The following PLSCR5 variants were observed in gnomAD, a reference collection of about 807,000 sequenced individuals.
PLSCR5 encodes phospholipid scramblase family, member 5.
Under a neutral mutation model 33.6 loss-of-function variants are expected in PLSCR5, and 44 were observed. That is an observed-to-expected ratio of 1.31 (90% CI 1.03 to 1.69). PLSCR5 has a LOEUF of 1.69. Ranked by LOEUF, PLSCR5 falls within the 40% of genes most tolerant of loss-of-function variation. The pLI is 0.00. For synonymous variants in PLSCR5, 148 were observed against 112.3 expected (o/e 1.32, Z -2.01); for missense variants, 375 against 318.7 (o/e 1.18, Z -1.34).
At chr3:146,591,085 T>TGCTGAA (rs1241393438) in intron 5 of PLSCR5, among the ~76,000 whole-genome samples, 1 of 151,508 alleles carries the variant, frequency 6.6e-6, no homozygotes, top group Admixed American at 6.6e-5. Context: ...TGTAACGTGC[T>TGCTGAA]GCTGAAATGA....
chr3:146,600,730 G>A (rs2044806368), intron 1 of PLSCR5, among the ~76,000 whole-genome samples: 2 of 150,832 alleles, frequency 1.3e-5, no homozygotes, highest in Admixed American at 6.6e-5. Flanking sequence ...ATATGCATAT[G>A]TGTATATGTA....
chr3:146,579,413 A>G (rs1187171456), intron 7 of PLSCR5, among the ~76,000 whole-genome samples: 1 of 152,214 alleles, frequency 6.6e-6, no homozygotes, highest in Non-Finnish European at 1.5e-5. Context: ...TTATTTCCTC[A>G]GTTTGTTTTC....
At chr3:146,576,693 G>A (rs1295141951) in exon 8 of PLSCR5, 4 of 148,848 alleles carry the variant, frequency 2.7e-5, no homozygotes, top group African/African-American at 7.3e-5. Flanking sequence ...CCATTCATAT[G>A]TGTGGAAGTG....
chr3:146,589,943 TATTC>T, intron 5 of PLSCR5, 129 bp from the exon 6 acceptor site: 1 of 583,388 alleles, frequency 1.7e-6, no homozygotes. Flanking sequence ...AATTCCATGT[TATTC>T]ATTCCATCAT....
intron 1 of PLSCR5, 31 bp downstream of exon 1, chr3:146,605,169 A>G (rs761159299): frequency 1.6e-5 from 25 of 1,594,112 alleles, no homozygotes; most frequent in Non-Finnish European, 2.1e-5. Context: ...AATATAAGAA[A>G]AAGTTATTAG....
Position 146,585,895 on chromosome 3 carries a change from G to T in PLSCR5, c.*92C>A. ...ATTAACATTTTTTTTTAACAAAAAA[G>T]CAAACATTCAAACCATTCAGAAATG... On this transcript the variant is annotated 3_prime_UTR_variant, in exon 8 of 8. Coordinates refer to ENST00000443512, the MANE Select transcript of PLSCR5 (RefSeq NM_001085420.2). 1 of 531,082 alleles carries T rather than the reference G, an allele frequency of 1.9e-6. No homozygotes were observed. The highest frequency in any genetic ancestry group is 3.0e-6 in the Non-Finnish European group (1 of 334,680). 32.9% of individuals were successfully genotyped at this position (531,082 alleles called of 1,614,324 possible). A position where few individuals can be genotyped will look rare whatever the true frequency, so the allele number is the denominator to read the frequency against.
chr3:146,594,219 A>G, intron 3 of PLSCR5, 79 bp from the exon 4 acceptor site: 1 of 978,462 alleles, frequency 1.0e-6, no homozygotes, highest in South Asian at 1.6e-5. Context: ...AGATGTTATT[A>G]AAAGAATACA....
At chr3:146,600,774 T>C (rs1198637178) in intron 1 of PLSCR5, among the ~76,000 whole-genome samples, 1 of 149,784 alleles carries the variant, frequency 6.7e-6, no homozygotes, top group Non-Finnish European at 1.5e-5. Context: ...ATATATATAC[T>C]TACTGCATAT....
At chr3:146,595,109 T>C (rs758974061) in intron 2 of PLSCR5, 26 bp from the exon 3 acceptor site, 39 of 1,329,068 alleles carry the variant, frequency 2.9e-5, no homozygotes, top group Non-Finnish European at 3.7e-5. Flanking sequence ...TAAAAGGAAA[T>C]AAAAAGTATT....
At chr3:146,584,238 T>C (rs1340948790), downstream of PLSCR5, among the ~76,000 whole-genome samples, 1 of 152,154 alleles carries the variant, frequency 6.6e-6, no homozygotes, top group African/African-American at 2.4e-5. Context: ...ATCCCATATA[T>C]TTGAAATGCA....
intron 6 of PLSCR5, among the ~76,000 whole-genome samples, chr3:146,586,345 T>G (rs1346029506): frequency 6.6e-6 from 1 of 152,198 alleles, no homozygotes; most frequent in Non-Finnish European, 1.5e-5. Flanking sequence ...ATCTGCATGG[T>G]ATTGTCAAAG....
chr3:146,588,869 T>C (rs1432053645), intron 6 of PLSCR5, among the ~76,000 whole-genome samples: 1 of 152,186 alleles, frequency 6.6e-6, no homozygotes, highest in Non-Finnish European at 1.5e-5. Context: ...TTATGCTGTT[T>C]GTTTTAATCA....
chr3:146,596,908 C>T (rs1417546002), intron 2 of PLSCR5, among the ~76,000 whole-genome samples: 1 of 151,886 alleles, frequency 6.6e-6, no homozygotes, highest in Admixed American at 6.6e-5. Context: ...CCTAAATTAA[C>T]AATAATAAGA....
At chr3:146,589,570 G>C (rs781336720) in intron 6 of PLSCR5, 83 bp downstream of exon 6, 1 of 1,244,100 alleles carries the variant, frequency 8.0e-7, no homozygotes, top group Non-Finnish European at 1.1e-6. Flanking sequence ...GGTAAAAACT[G>C]TGTAAATGGG....
chr3:146,597,045 T>G (rs975026415), intron 2 of PLSCR5, among the ~76,000 whole-genome samples: 1 of 152,166 alleles, frequency 6.6e-6, no homozygotes, highest in Admixed American at 6.6e-5. Context: ...TAGTAGTTGA[T>G]CTAAGCAAAA....
At chr3:146,590,997 G>GTTTTTTTTTTTTTTTTTTTTTTTTTTTT (rs371124404) in intron 5 of PLSCR5, among the ~76,000 whole-genome samples, 1 of 141,886 alleles carries the variant, frequency 7.0e-6, no homozygotes, top group African/African-American at 2.6e-5. Flanking sequence ...GTTTTTTTTT[G>GTTTTTTTTTTTTTTTTTTTTTTTTTTTT]TTTTTTTTTT....
chr3:146,583,338 G>A (rs1023271533), downstream of PLSCR5, among the ~76,000 whole-genome samples: 1 of 152,180 alleles, frequency 6.6e-6, no homozygotes, highest in African/African-American at 2.4e-5. Context: ...ATGAATGAAT[G>A]AGAGTTGTGT....
intron 4 of PLSCR5, 122 bp downstream of exon 4, chr3:146,593,798 C>A (rs1403168835): frequency 6.7e-6 from 6 of 896,198 alleles, no homozygotes; most frequent in Non-Finnish European, 1.0e-5. Flanking sequence ...AAAGGAGCAA[C>A]ATACTATTAA....
At position 146,595,026 on chromosome 3, in the gene PLSCR5, A is replaced by T; in HGVS notation, c.232+15T>A. 1 of 1,383,114 alleles carries T rather than the reference A, an allele frequency of 7.2e-7. No individual in the cohort carries two copies. Among genetic ancestry groups the T allele is most frequent in the East Asian group, 2.7e-5 (1 of 37,440 alleles). The allele number at this position is 1,383,114 out of a possible 1,614,324, so 85.7% of individuals were successfully genotyped here. ...AATAGTTTTAATAAATATGTAATATATATAATGCACTTACTTCCAAGCAGC... is the reference window on the plus strand; with the variant it reads ...AATAGTTTTAATAAATATGTAATATTTATAATGCACTTACTTCCAAGCAGC... On this transcript the variant is annotated intron_variant, in intron 3 of 7. Transcript: ENST00000443512.
Sources: gnomAD v4.1 joint callset for allele counts (sites outside exome capture counted in the v4.1 genomes callset) on GRCh38, gnomAD v4.1.1 for gene constraint, MANE v1.5 for transcripts, NCBI Gene and HGNC (gene_info 2026-07-23, HGNC 2026-07-21) for gene names.